CYFIP2: variants seen among roughly 807,000 people sequenced by gnomAD.
CYFIP2 encodes cytoplasmic FMR1-interacting protein 2.
In CYFIP2, 29 loss-of-function variants were observed where a neutral mutation model predicts 158.7. The observed-to-expected ratio is 0.18, with a 90% confidence interval of 0.14 to 0.25. The LOEUF is 0.25. Among genes scored for constraint, CYFIP2 ranks in the 10% least tolerant of loss-of-function variants. The probability of loss-of-function intolerance (pLI) is 1.00; values close to 1 mark genes in which losing one functional copy is unlikely to be tolerated. For missense variants in CYFIP2, 852 were observed against 1,639.5 expected (o/e 0.52, Z 8.29); for synonymous variants, 585 against 617.6 (o/e 0.95, Z 0.78).
intron 14 of CYFIP2, 126 bp downstream of exon 14, chr5:157,320,054 A>G: frequency 8.5e-7 from 1 of 1,170,480 alleles, no homozygotes. Context: ...AGGGCTCTTT[A>G]GGAGATTGGG....
At chr5:157,286,877 G>T in intron 2 of CYFIP2, 142 bp from the exon 3 acceptor site, 1 of 598,860 alleles carries the variant, frequency 1.7e-6, no homozygotes, top group Non-Finnish European at 3.1e-6. Context: ...TTGTGGGGAA[G>T]GGGCAAGATG....
intron 26 of CYFIP2, among the ~76,000 whole-genome samples, chr5:157,366,266 G>A (rs528081789): frequency 6.6e-6 from 1 of 152,020 alleles, no homozygotes; most frequent in Non-Finnish European, 1.5e-5. Flanking sequence ...CAACATTCTT[G>A]CCTTTTTAAG....
intron 26 of CYFIP2, among the ~76,000 whole-genome samples, chr5:157,369,887 T>TTG (rs1764818277): frequency 6.7e-6 from 1 of 149,016 alleles, no homozygotes; most frequent in Admixed American, 6.7e-5. Flanking sequence ...TAGTTTTTTT[T>TTG]TTTTTTTTTT....
intron 26 of CYFIP2, among the ~76,000 whole-genome samples, chr5:157,368,593 G>A (rs1014374693): frequency 3.9e-5 from 6 of 152,218 alleles, no homozygotes; most frequent in Admixed American, 3.9e-4. Context: ...TGGAATGGAG[G>A]CACTTTGACT....
intron 29 of CYFIP2, among the ~76,000 whole-genome samples, chr5:157,390,130 C>T (rs75612931): frequency 0.075 from 11,351 of 152,240 alleles, 513 homozygotes; most frequent in South Asian, 0.16. Flanking sequence ...TTTGAAATGG[C>T]CCCTCACCTG....
At chr5:157,392,683 C>G in intron 30 of CYFIP2, 150 bp from the exon 31 acceptor site, 1 of 836,864 alleles carries the variant, frequency 1.2e-6, no homozygotes, top group East Asian at 2.6e-5. Flanking sequence ...CACTTGATTG[C>G]CAGATCCAGG....
rs577319302 is a variant in CYFIP2, at chr5:157,284,023, T to C, written c.-23-1316T>C. Among the ~76,000 whole-genome samples, 6 of 152,310 alleles carry C rather than the reference T, an allele frequency of 3.9e-5. No individual in the cohort carries two copies. The East Asian group carries it at 7.7e-4, about 20-fold the overall frequency. On this transcript the variant is annotated intron_variant, in intron 1 of 30. Transcript: ENST00000620254. ...GTGGCCCTTCTCTTTGTGTCCCTCT[T>C]AATCGTGTGTTTAGGGTTGGCTTTA...
chr5:157,349,602 A>G (rs1762938524), intron 23 of CYFIP2, among the ~76,000 whole-genome samples: 1 of 152,158 alleles, frequency 6.6e-6, no homozygotes, highest in Non-Finnish European at 1.5e-5. Flanking sequence ...TCCTTTTCGA[A>G]TGATTTCCTT....
chr5:157,294,734 G>C, intron 3 of CYFIP2, 49 bp from the exon 4 acceptor site: 1 of 1,552,952 alleles, frequency 6.4e-7, no homozygotes, highest in Non-Finnish European at 8.9e-7. Flanking sequence ...TTTGCAGCCT[G>C]GTGGCACCCG....
chr5:157,335,974 G>A (rs750083781), intron 21 of CYFIP2, among the ~76,000 whole-genome samples: 2 of 152,128 alleles, frequency 1.3e-5, no homozygotes, highest in Non-Finnish European at 2.9e-5. Context: ...AGCAGTGAAA[G>A]CCCTTGCTTA....
At chr5:157,337,628 C>T (rs10075787) in intron 21 of CYFIP2, among the ~76,000 whole-genome samples, 86 of 152,334 alleles carry the variant, frequency 5.6e-4, no homozygotes, top group African/African-American at 1.9e-3. Flanking sequence ...CTCCACCTGA[C>T]CATGCTCTGG....
chr5:157,329,080 G>T (rs1357972239), intron 19 of CYFIP2, among the ~76,000 whole-genome samples: 3 of 152,230 alleles, frequency 2.0e-5, no homozygotes, highest in African/African-American at 7.2e-5. Context: ...AACAGCCAAA[G>T]TAGCCCTGAT....
chr5:157,319,032 C>G (rs1266013393), intron 13 of CYFIP2, among the ~76,000 whole-genome samples: 1 of 152,154 alleles, frequency 6.6e-6, no homozygotes, highest in African/African-American at 2.4e-5. Flanking sequence ...CTCCCTTCCT[C>G]GGGATGGGCA....
chr5:157,287,179 A>C, intron 3 of CYFIP2, 71 bp downstream of exon 3: 13 of 1,235,376 alleles, frequency 1.1e-5, no homozygotes, highest in Non-Finnish European at 1.4e-5. Flanking sequence ...GCAGCTTCTC[A>C]CACCAGAGGC....
Position 157,307,851 on chromosome 5 carries a change from G to T in CYFIP2, c.886G>T (p.Asp296Tyr). Residue 296 changes from aspartate (D) to tyrosine (Y), a missense_variant, in exon 9 of 31, where the codon GAT becomes TAT. This residue lies in a region of CYFIP2 where 133 missense variants were observed against 197.1 expected (regional missense o/e 0.67). Transcript: ENST00000620254. ...GAAGAGAATTAATCTTAGCAAAATT[G>T]ATAAATTCTTTAAGGTCAGCAACTG... Reference protein sequence around the residue: ...AKKRINLSKIDKFFKQLQVVP... With the variant: ...AKKRINLSKIYKFFKQLQVVP... 1 of 1,600,234 alleles carries T rather than the reference G, an allele frequency of 6.2e-7. No homozygotes were observed. The highest frequency in any genetic ancestry group is 1.1e-5 in the South Asian group (1 of 89,186).
chr5:157,389,642 C>A (rs761491211), intron 29 of CYFIP2: 10 of 524,038 alleles, frequency 1.9e-5, no homozygotes, highest in Non-Finnish European at 3.1e-5. Flanking sequence ...ACCCCCACTA[C>A]ACTGTACTAC....
chr5:157,376,880 T>C (rs1430722249), intron 26 of CYFIP2: 6 of 456,240 alleles, frequency 1.3e-5, no homozygotes, highest in Admixed American at 2.4e-5. Context: ...TTTAGACATC[T>C]TCTCTTCCGT....
chr5:157,317,331 A>G (rs985591917), intron 13 of CYFIP2, among the ~76,000 whole-genome samples: 2 of 152,230 alleles, frequency 1.3e-5, no homozygotes, highest in Non-Finnish European at 2.9e-5. Flanking sequence ...TAATAAAACA[A>G]AGCAAAAGTA....
At chr5:157,291,623 G>A (rs1294372969) in intron 3 of CYFIP2, among the ~76,000 whole-genome samples, 2 of 152,228 alleles carry the variant, frequency 1.3e-5, no homozygotes, top group African/African-American at 2.4e-5. Context: ...TTTTGGACAT[G>A]TGTTCTGAGG....
Sources: gnomAD v4.1 joint callset for allele counts (sites outside exome capture counted in the v4.1 genomes callset) on GRCh38, gnomAD v4.1.1 for gene constraint, gnomAD v4.1.1 regional missense constraint, MANE v1.5 for transcripts, NCBI Gene and HGNC (gene_info 2026-07-23, HGNC 2026-07-21) for gene names.